Variants in LRRC41 observed in about 807,000 individuals in gnomAD.
LRRC41 encodes leucine rich repeat containing 41, also known as leucine-rich repeat-containing protein 41.
LRRC41 carries 17 observed loss-of-function variants against 72.1 expected under a neutral mutation model. That is an observed-to-expected ratio of 0.24 (90% CI 0.16 to 0.35). LRRC41 has a LOEUF of 0.35. LRRC41 is among the 10% of genes least tolerant of loss of function. The probability of loss-of-function intolerance (pLI) is 1.00; values close to 1 mark genes in which losing one functional copy is unlikely to be tolerated. For missense variants in LRRC41, 759 were observed against 1,065.0 expected (o/e 0.71, Z 4.00); for synonymous variants, 427 against 431.0 (o/e 0.99, Z 0.11).
intron 3 of LRRC41, among the ~76,000 whole-genome samples, chr1:46,295,446 T>C (rs1052435704): frequency 5.3e-5 from 8 of 152,236 alleles, no homozygotes; most frequent in Non-Finnish European, 8.8e-5. Context: ...TGTTCACCAT[T>C]GTATCCCTGG....
chr1:46,297,534 C>T (rs759287818), intron 3 of LRRC41, 29 bp downstream of exon 3: 2 of 1,575,598 alleles, frequency 1.3e-6, no homozygotes, highest in Admixed American at 1.7e-5. Context: ...CAAAATCAGG[C>T]TAGCATTCTA....
At position 46,278,110 on chromosome 1, in the gene LRRC41, G is replaced by A. The variant is rs201788900; in HGVS notation, c.*755C>T. 1.9e-4 allele frequency: 302 copies of A among 1,613,800 alleles called. No homozygotes were observed. Among genetic ancestry groups the A allele is most frequent in the Non-Finnish European group, 2.2e-4 (265 of 1,179,946 alleles). On this transcript the variant is annotated 3_prime_UTR_variant, in exon 10 of 10. Transcript: ENST00000617190. ...CGTTGTGTCAACAGCCGTCAGATCC[G>A]GCCACCCCCTGATGGTTCTGACTGC...
In LRRC41 at chr1:46,277,609, G is replaced by A. The variant is rs1332556746; in HGVS notation, c.*1256C>T. The A allele has an allele frequency of 6.4e-6, 4 of 623,348 alleles. No individual in the cohort carries two copies. Among genetic ancestry groups the A allele is most frequent in the Middle Eastern group, 4.3e-4 (1 of 2,340 alleles). 38.6% of individuals were successfully genotyped at this position (623,348 alleles called of 1,614,324 possible). A position where few individuals can be genotyped will look rare whatever the true frequency, so the allele number is the denominator to read the frequency against. On this transcript the variant is annotated 3_prime_UTR_variant, in exon 10 of 10. Coordinates refer to ENST00000617190, the MANE Select transcript of LRRC41 (RefSeq NM_006369.5). Reference sequence around the variant, plus strand: ...TTCATTAGTATAGAAAGTAGCCTGGGTGGGCAGACTATTCATGTCATGTTC... The same window carrying A: ...TTCATTAGTATAGAAAGTAGCCTGGATGGGCAGACTATTCATGTCATGTTC...
Position 46,278,289 on chromosome 1 carries a change from G to A in LRRC41, c.*576C>T. Reference sequence around the variant, plus strand: ...GCAGCGGGGCCTCCGCTGATAACCAGCTGGTCTGGGTGTAGCTCTTAGAGG... The same window carrying A: ...GCAGCGGGGCCTCCGCTGATAACCAACTGGTCTGGGTGTAGCTCTTAGAGG... On this transcript the variant is annotated 3_prime_UTR_variant, in exon 10 of 10. Transcript: ENST00000617190. The A allele has an allele frequency of 6.2e-7, 1 of 1,608,374 alleles. No individual in the cohort carries two copies. Among genetic ancestry groups the A allele is most frequent in the Non-Finnish European group, 8.5e-7 (1 of 1,177,672 alleles).
chr1:46,297,491 T>C, intron 3 of LRRC41, 72 bp downstream of exon 3: 1 of 1,216,928 alleles, frequency 8.2e-7, no homozygotes, highest in Non-Finnish European at 1.2e-6. Flanking sequence ...AGTACCCAGC[T>C]TGTGTTTGTG....
Position 46,303,535 on chromosome 1 carries a change from G to T in LRRC41, c.-213C>A. On this transcript the variant is annotated 5_prime_UTR_variant, in exon 1 of 10. Coordinates refer to ENST00000617190, the MANE Select transcript of LRRC41 (RefSeq NM_006369.5). ...TACTTGGGTGTGGTATGACTAAGGG[G>T]ATGTTTCTTAGCAAAGCCTCCTCGG... 2.7e-6 allele frequency: 2 copies of T among 751,204 alleles called. No homozygotes were observed. Among genetic ancestry groups the T allele is most frequent in the Non-Finnish European group, 4.2e-6 (2 of 472,740 alleles). 46.5% of individuals were successfully genotyped at this position (751,204 alleles called of 1,614,324 possible). A position where few individuals can be genotyped will look rare whatever the true frequency, so the allele number is the denominator to read the frequency against.
chr1:46,279,220 T>A lies in LRRC41; in HGVS notation c.2181A>T (p.Ser727=). Residue 727 remains serine, a synonymous_variant, in exon 9 of 10, where the codon TCA becomes TCT. Transcript: ENST00000617190. The surrounding 1 kb of genome is among the most constrained non-coding windows in gnomAD (Gnocchi z 4.5). ...GACAGAGAGAGGAGGATGAATCCTCTGAGAAAACATCTGCCAAGGCCAGCA... is the reference window on the plus strand; with the variant it reads ...GACAGAGAGAGGAGGATGAATCCTCAGAGAAAACATCTGCCAAGGCCAGCA... ...AGLLALADVF[S]EDSSSSLCQL... The A allele has an allele frequency of 6.2e-7, 1 of 1,614,170 alleles. No homozygotes were observed. Among genetic ancestry groups the A allele is most frequent in the Non-Finnish European group, 8.5e-7 (1 of 1,180,002 alleles).
At position 46,302,621 on chromosome 1, in the gene LRRC41, C is replaced by A. The variant is rs1034049845; in HGVS notation, c.199+503G>T. The A allele has an allele frequency of 4.3e-5, 42 of 985,256 alleles. No individual in the cohort carries two copies. Among genetic ancestry groups the A allele is most frequent in the Non-Finnish European group, 5.1e-5 (42 of 829,900 alleles). 61.0% of individuals were successfully genotyped at this position (985,256 alleles called of 1,614,324 possible). A position where few individuals can be genotyped will look rare whatever the true frequency, so the allele number is the denominator to read the frequency against. ...ATCGGCTTGGCCTCCGGAATCTCGACCCCCGTGGCGTGTCAGGCAGATGCT... is the reference window on the plus strand; with the variant it reads ...ATCGGCTTGGCCTCCGGAATCTCGAACCCCGTGGCGTGTCAGGCAGATGCT... On this transcript the variant is annotated intron_variant, in intron 1 of 9. Transcript: ENST00000617190. This position sits in a 1 kb window ranked among gnomAD's most constrained non-coding sequence, Gnocchi z 4.7.
rs781360311 is a variant in LRRC41 at position 46,279,631 on chromosome 1, T to C, written c.2021-17A>G. On this transcript the variant is annotated splice_polypyrimidine_tract_variant and intron_variant, in intron 7 of 9. Coordinates refer to ENST00000617190, the MANE Select transcript of LRRC41 (RefSeq NM_006369.5). This position sits in a 1 kb window ranked among gnomAD's most constrained non-coding sequence, Gnocchi z 4.5. ...AGGTAATCTCTGTCAAGAAAAATTA[T>C]AGTAAATTCTGATGGCTGCATTAGG... is the stretch of plus-strand genomic sequence containing the variant. 4.3e-6 allele frequency: 7 copies of C among 1,614,124 alleles called. No individual in the cohort carries two copies. The highest frequency in any genetic ancestry group is 2.2e-5 in the South Asian group (2 of 91,074).
In LRRC41 at chr1:46,303,113, C is replaced by G. The variant is rs202052334; in HGVS notation, c.199+11G>C. 5 of 1,403,458 alleles carry G rather than the reference C, an allele frequency of 3.6e-6. No individual in the cohort carries two copies. Among genetic ancestry groups the G allele is most frequent in the Non-Finnish European group, 4.6e-6 (5 of 1,079,454 alleles). 86.9% of individuals were successfully genotyped at this position (1,403,458 alleles called of 1,614,324 possible). ...TCTTAGCCAGAGGTAGCCCCTCACC[C>G]CGCGACTTACCCCACACCCCGCTCT... On this transcript the variant is annotated intron_variant, in intron 1 of 9. Transcript: ENST00000617190.
chr1:46,289,025 A>G (rs1569648881), intron 3 of LRRC41, among the ~76,000 whole-genome samples: 1 of 152,226 alleles, frequency 6.6e-6, no homozygotes, highest in East Asian at 1.9e-4. Flanking sequence ...TGCCTAAAAT[A>G]TGGACAAAGA....
chr1:46,282,864 C>A (rs753676984), intron 4 of LRRC41, among the ~76,000 whole-genome samples: 3 of 152,188 alleles, frequency 2.0e-5, no homozygotes, highest in Non-Finnish European at 4.4e-5. Context: ...GAAACCCCGT[C>A]TCTACTAAAA....
At position 46,286,840 on chromosome 1, in the gene LRRC41, A is replaced by G. The variant is rs1660893604; in HGVS notation, c.358-341T>C. On this transcript the variant is annotated intron_variant, in intron 3 of 9. Coordinates refer to ENST00000617190, the MANE Select transcript of LRRC41 (RefSeq NM_006369.5). The surrounding 1 kb of genome is among the most constrained non-coding windows in gnomAD (Gnocchi z 5.5). Reference sequence around the variant, plus strand: ...TCCCAATTTTTTTTTTCTTTTTAAGATAGAGTCTCACTTTGTAGCCTAGGC... The same window carrying G: ...TCCCAATTTTTTTTTTCTTTTTAAGGTAGAGTCTCACTTTGTAGCCTAGGC... Among the ~76,000 whole-genome samples, 2 of 151,988 alleles carry G rather than the reference A, an allele frequency of 1.3e-5. No individual in the cohort carries two copies. The highest frequency in any genetic ancestry group is 1.9e-4 in the East Asian group (1 of 5,188).
At position 46,285,704 on chromosome 1, in the gene LRRC41, G is replaced by C. The variant is rs1393337623; in HGVS notation, c.1153C>G (p.Pro385Ala). ...KRAPASSAPQ[P>A]KPLKRFKRAA... ...CGCTTGAAACGCTTTAGGGGCTTAG[G>C]CTGTGGGGCTGAGCTAGCTGGTGCC... The change falls in exon 4 of 10, where the codon CCT becomes GCT. Residue 385 changes from proline to alanine, a missense_variant. By Grantham distance (27) the Pro-to-Ala change is conservative. Coordinates refer to ENST00000617190, the MANE Select transcript of LRRC41 (RefSeq NM_006369.5). This position sits in a 1 kb window ranked among gnomAD's most constrained non-coding sequence, Gnocchi z 5.3. The C allele has an allele frequency of 6.2e-7, 1 of 1,612,974 alleles. No homozygotes were observed. Among genetic ancestry groups the C allele is most frequent in the Non-Finnish European group, 8.5e-7 (1 of 1,179,520 alleles).
Position 46,285,437 on chromosome 1 carries a change from TGGA to T in LRRC41, c.1417_1419del (p.Ser473del). The stretch of plus-strand genomic sequence containing the variant: ...TGGCATAGTGTCAGGGCTGCCTCTG[TGGA>T]GAGTGGAACTGTGAATAGCTCCAAG... On this transcript the variant is annotated inframe_deletion, in exon 4 of 10. Coordinates refer to ENST00000617190, the MANE Select transcript of LRRC41 (RefSeq NM_006369.5). The surrounding 1 kb of genome is among the most constrained non-coding windows in gnomAD (Gnocchi z 5.3). 6.2e-7 allele frequency: 1 copy of T among 1,614,114 alleles called. No individual in the cohort carries two copies. Among genetic ancestry groups the T allele is most frequent in the Non-Finnish European group, 8.5e-7 (1 of 1,180,012 alleles).
At chr1:46,281,039 T>G in intron 5 of LRRC41, 86 bp downstream of exon 5, 1 of 1,545,828 alleles carries the variant, frequency 6.5e-7, no homozygotes. Flanking sequence ...AAGAGGTCCT[T>G]CCCCTTTCCC....
chr1:46,302,746 G>A lies in LRRC41; in HGVS notation c.199+378C>T, dbSNP rs1661269565. 2.2e-5 allele frequency: 22 copies of A among 985,188 alleles called. No individual in the cohort carries two copies. The highest frequency in any genetic ancestry group is 1.1e-4 in the East Asian group (1 of 8,770). The allele number at this position is 985,188 out of a possible 1,614,324, so 61.0% of individuals were successfully genotyped here. On this transcript the variant is annotated intron_variant, in intron 1 of 9. Coordinates refer to ENST00000617190, the MANE Select transcript of LRRC41 (RefSeq NM_006369.5). This position sits in a 1 kb window ranked among gnomAD's most constrained non-coding sequence, Gnocchi z 4.7. Reference sequence around the variant, plus strand: ...CCTCGGCCCCTGCCCTAGGGCAGCCGGGCCATCGCTGCCCACCGGTTCGAC... The same window carrying A: ...CCTCGGCCCCTGCCCTAGGGCAGCCAGGCCATCGCTGCCCACCGGTTCGAC...
rs919453564 is a variant in LRRC41, at chr1:46,285,891, T to G, written c.966A>C (p.Val322=). Residue 322 remains valine (V), a synonymous_variant, in exon 4 of 10, where the codon GTA becomes GTC. Transcript: ENST00000617190. The surrounding 1 kb of genome is among the most constrained non-coding windows in gnomAD (Gnocchi z 5.3). ...GGCTCTCCTGTGTGCTCCGGCGTGTTACCCGAGTGGCAGGTGCAGCTCTGG... is the reference window on the plus strand; with the variant it reads ...GGCTCTCCTGTGTGCTCCGGCGTGTGACCCGAGTGGCAGGTGCAGCTCTGG... ...QMPRAAPATR[V]TRRSTQESLT... is the part of the protein sequence containing the mutation. 1 of 1,555,208 alleles carries G rather than the reference T, an allele frequency of 6.4e-7. No homozygotes were observed. The highest frequency in any genetic ancestry group is 1.2e-5 in the South Asian group (1 of 81,844).
intron 3 of LRRC41, among the ~76,000 whole-genome samples, chr1:46,292,785 C>T (rs531500748): frequency 6.6e-6 from 1 of 152,138 alleles, no homozygotes; most frequent in Admixed American, 6.6e-5. Flanking sequence ...ATGGTGTTGG[C>T]ATTTTCATTT....
Sources: allele counts gnomAD v4.1 joint callset (sites outside exome capture counted in the v4.1 genomes callset), GRCh38; gene constraint gnomAD v4.1.1; non-coding constraint Gnocchi (gnomAD v3.1); transcripts MANE v1.5; gene names NCBI Gene and HGNC (gene_info 2026-07-23, HGNC 2026-07-21).